Variants in ZBTB20 observed in about 807,000 individuals in gnomAD.
The protein encoded by ZBTB20 is zinc finger and BTB domain containing 20, also known as zinc finger and BTB domain-containing protein 20.
Under a neutral mutation model 56.9 loss-of-function variants are expected in ZBTB20, and 9 were observed. The ratio of observed to expected loss-of-function variants is 0.16; its 90% CI spans 0.10 to 0.28. ZBTB20 has a LOEUF of 0.28. ZBTB20 is among the 10% of genes least tolerant of loss of function. The pLI is 1.00. For synonymous variants in ZBTB20, 417 were observed against 420.7 expected, an observed-to-expected ratio of 0.99 and a Z score of 0.11; for missense variants, 655 against 1,003.0, an observed-to-expected ratio of 0.65 and a Z score of 4.69.
chr3:114,835,189 C>T (rs921305296), intron 4 of ZBTB20, among the ~76,000 whole-genome samples: 7 of 152,134 alleles, frequency 4.6e-5, no homozygotes, highest in Non-Finnish European at 5.9e-5. Flanking sequence ...CTCCCAGTAT[C>T]GCTTTATCCC....
intron 4 of ZBTB20, among the ~76,000 whole-genome samples, chr3:114,887,226 G>C (rs2076634575): frequency 6.6e-6 from 1 of 152,048 alleles, no homozygotes; most frequent in South Asian, 2.1e-4. Flanking sequence ...TGCCACACTG[G>C]GGCTTAACTT....
At chr3:114,455,989 C>T (rs1371039835) in intron 7 of ZBTB20, among the ~76,000 whole-genome samples, 1 of 152,106 alleles carries the variant, frequency 6.6e-6, no homozygotes, top group African/African-American at 2.4e-5. Context: ...CAGGCCAGTG[C>T]TCTTTCCACC....
At chr3:114,430,372 G>A (rs2090030529) in intron 7 of ZBTB20, among the ~76,000 whole-genome samples, 1 of 152,164 alleles carries the variant, frequency 6.6e-6, no homozygotes, top group Non-Finnish European at 1.5e-5. Context: ...AAGCTAGAAA[G>A]TAATTTATGG....
chr3:114,387,699 C>G (rs1378779528), intron 8 of ZBTB20: 1 of 152,196 alleles, frequency 6.6e-6, no homozygotes, highest in Non-Finnish European at 1.5e-5. Flanking sequence ...AAGAAAAACT[C>G]AGAAAACTAT....
chr3:115,003,986 A>T (rs192668998), intron 2 of ZBTB20, among the ~76,000 whole-genome samples: 1 of 151,836 alleles, frequency 6.6e-6, no homozygotes, highest in East Asian at 2.0e-4. Context: ...TAAAATTTTT[A>T]AAATGTGTGT....
chr3:114,891,594 C>T (rs967581527), intron 4 of ZBTB20, among the ~76,000 whole-genome samples: 2 of 152,270 alleles, frequency 1.3e-5, no homozygotes, highest in Non-Finnish European at 2.9e-5. Context: ...AACTTTGTAA[C>T]ATAAGCTATA....
chr3:115,006,378 G>A (rs764739726), intron 2 of ZBTB20, among the ~76,000 whole-genome samples: 32 of 151,304 alleles, frequency 2.1e-4, no homozygotes, highest in Non-Finnish European at 4.3e-4. Context: ...ATAAATATTT[G>A]CTGGATGAAT....
At chr3:114,976,380 G>A (rs998513974) in intron 2 of ZBTB20, among the ~76,000 whole-genome samples, 12 of 152,172 alleles carry the variant, frequency 7.9e-5, no homozygotes, top group Admixed American at 7.2e-4. Flanking sequence ...AATCCCAGCA[G>A]TTCGGGAGGC....
intron 2 of ZBTB20, among the ~76,000 whole-genome samples, chr3:115,067,832 C>T (rs753759288): frequency 6.6e-5 from 10 of 152,076 alleles, no homozygotes; most frequent in South Asian, 2.1e-4. Context: ...GCTAGCCTGC[C>T]GCAATTTTAT....
At chr3:115,141,473 A>G (rs888793538) in intron 1 of ZBTB20, among the ~76,000 whole-genome samples, 6 of 152,180 alleles carry the variant, frequency 3.9e-5, no homozygotes, top group African/African-American at 1.4e-4. Context: ...TGGGTGGCCC[A>G]CTGTGAGTTT....
intron 6 of ZBTB20, among the ~76,000 whole-genome samples, chr3:114,608,132 A>G (rs2047364541): frequency 6.6e-6 from 1 of 152,174 alleles, no homozygotes; most frequent in African/African-American, 2.4e-5. Flanking sequence ...TGATATAGAG[A>G]AACAAGGATG....
At chr3:114,342,427 T>C (rs2079851205) in intron 11 of ZBTB20, among the ~76,000 whole-genome samples, 1 of 152,184 alleles carries the variant, frequency 6.6e-6, no homozygotes, top group Non-Finnish European at 1.5e-5. Context: ...AAAAAGTGGA[T>C]AATTGAATTA....
intron 5 of ZBTB20, among the ~76,000 whole-genome samples, chr3:114,733,572 T>C: frequency 6.6e-6 from 1 of 152,180 alleles, no homozygotes; most frequent in Non-Finnish European, 1.5e-5. Context: ...CTGTCTACAC[T>C]AGCATTTAAT....
intron 6 of ZBTB20, among the ~76,000 whole-genome samples, chr3:114,506,713 C>T (rs569087601): frequency 3.9e-5 from 6 of 152,274 alleles, no homozygotes; most frequent in African/African-American, 1.2e-4. Context: ...AGGTTTGGCA[C>T]TGCTATCATG....
At chr3:114,567,444 C>T (rs2052909442) in intron 6 of ZBTB20, among the ~76,000 whole-genome samples, 2 of 152,008 alleles carry the variant, frequency 1.3e-5, no homozygotes, top group South Asian at 2.1e-4. Context: ...TCTATGGTCC[C>T]TCCATCTCCT....
At chr3:114,402,605 T>C (rs940338527) in intron 7 of ZBTB20, among the ~76,000 whole-genome samples, 1 of 152,162 alleles carries the variant, frequency 6.6e-6, no homozygotes, top group Non-Finnish European at 1.5e-5. Flanking sequence ...GACTAAATCA[T>C]CCTAACTCAC....
intron 2 of ZBTB20, among the ~76,000 whole-genome samples, chr3:115,035,026 C>A (rs2080856737): frequency 6.6e-6 from 1 of 151,972 alleles, no homozygotes; most frequent in South Asian, 2.1e-4. Context: ...AAAGAATAAA[C>A]TTCAATCCTT....
At chr3:114,941,741 T>C (rs2107854888) in intron 3 of ZBTB20, among the ~76,000 whole-genome samples, 1 of 146,350 alleles carries the variant, frequency 6.8e-6, no homozygotes, top group South Asian at 2.1e-4. Flanking sequence ...AATCTCTACG[T>C]TGTCCAAATA....
intron 5 of ZBTB20, among the ~76,000 whole-genome samples, chr3:114,724,219 A>G (rs185539149): frequency 3.9e-5 from 6 of 152,276 alleles, no homozygotes; most frequent in African/African-American, 1.2e-4. Context: ...GAAAAGGAAG[A>G]CTGTAAAAAC....
Sources: gnomAD v4.1 joint callset for allele counts (sites outside exome capture counted in the v4.1 genomes callset) on GRCh38, gnomAD v4.1.1 for gene constraint, MANE v1.5 for transcripts, NCBI Gene and HGNC (gene_info 2026-07-23, HGNC 2026-07-21) for gene names.